NRK: variants seen among roughly 807,000 people sequenced by gnomAD.
The protein encoded by NRK is nik-related protein kinase.
In NRK, 67 loss-of-function variants were observed where a neutral mutation model predicts 125.2. The observed-to-expected ratio is 0.54, with a 90% CI of 0.44 to 0.66. The LOEUF (loss-of-function observed/expected upper bound fraction) is 0.66, where lower values mean the gene tolerates loss of function less well. Among genes scored for constraint, NRK ranks in the 30% least tolerant of loss-of-function variants. NRK has a pLI of 0.00. For synonymous variants in NRK, 458 were observed against 429.0 expected (o/e 1.07, Z -0.84); for missense variants, 1,224 against 1,192.9 (o/e 1.03, Z -0.38).
intron 2 of NRK, among the ~76,000 whole-genome samples, chrX:105,864,740 T>C (rs1040821619): frequency 4.5e-5 from 5 of 111,802 alleles, no homozygotes; most frequent in African/African-American, 1.6e-4. Context: ...TTTGGGAGAA[T>C]ATAACTAGGT....
chrX:105,956,173 T>A lies in NRK; in HGVS notation c.*573T>A, dbSNP rs891372922. On this transcript the variant is annotated 3_prime_UTR_variant, in exon 29 of 29. Coordinates refer to ENST00000243300, the MANE Select transcript of NRK (RefSeq NM_198465.4). The stretch of plus-strand genomic sequence containing the variant: ...CACCACTCGTTTTCTCACTGATTCA[T>A]GCCAATTAAGCCTACAGTTAAAGAC... 6 of 111,787 alleles carry A rather than the reference T, an allele frequency of 5.4e-5. No individual in the cohort carries two copies. The highest frequency in any genetic ancestry group is 2.0e-4 in the African/African-American group (6 of 30,724). The allele number at this position is 111,787 out of a possible 1,213,427, so 9.2% of individuals were successfully genotyped here.
At chrX:105,925,575 T>G (rs2040513643) in intron 19 of NRK, among the ~76,000 whole-genome samples, 1 of 111,099 alleles carries the variant, frequency 9.0e-6, no homozygotes, top group Admixed American at 9.6e-5. Context: ...TGCATTTGGA[T>G]CCTTTAACCA....
intron 26 of NRK, among the ~76,000 whole-genome samples, chrX:105,946,898 G>A (rs1348862975): frequency 1.8e-5 from 2 of 111,422 alleles, no homozygotes; most frequent in Non-Finnish European, 3.8e-5. Flanking sequence ...TATAATAACT[G>A]ACCATAAAGT....
At chrX:105,866,043 C>G (rs927602687) in intron 2 of NRK, among the ~76,000 whole-genome samples, 2 of 107,012 alleles carry the variant, frequency 1.9e-5, no homozygotes, top group African/African-American at 3.4e-5. Flanking sequence ...AAAGTCAGTA[C>G]ACTTTTTTCA....
chrX:105,933,643 C>G (rs1488468246), intron 19 of NRK, among the ~76,000 whole-genome samples: 1 of 111,975 alleles, frequency 8.9e-6, no homozygotes, highest in Admixed American at 9.5e-5. Flanking sequence ...GTTGATTTGC[C>G]TTCATTTTCT....
In NRK at chrX:105,908,914, G is replaced by C; in HGVS notation, c.1273G>C (p.Ala425Pro). Residue 425 changes from alanine to proline, a missense_variant, in exon 13 of 29, where the codon GCA becomes CCA. Coordinates refer to ENST00000243300, the MANE Select transcript of NRK (RefSeq NM_198465.4). ...VFMPLQALDSAPKPLKGQAQA... is the reference protein window; with the variant it reads ...VFMPLQALDSPPKPLKGQAQA... Reference sequence around the variant, plus strand: ...CATGCCACTGCAGGCTCTGGACAGTGCACCTAAGCCTCTAAAGGGGCAGGC... The same window carrying C: ...CATGCCACTGCAGGCTCTGGACAGTCCACCTAAGCCTCTAAAGGGGCAGGC... 3 of 1,211,052 alleles carry C rather than the reference G, an allele frequency of 2.5e-6. No homozygotes were observed. The highest frequency in any genetic ancestry group is 3.4e-6 in the Non-Finnish European group (3 of 894,940).
chrX:105,822,032 G>A (rs1032670519), upstream of NRK, among the ~76,000 whole-genome samples: 3 of 112,433 alleles, frequency 2.7e-5, no homozygotes, highest in African/African-American at 9.7e-5. Context: ...CCCAACCCAT[G>A]GCAAGTCATT....
intron 15 of NRK, among the ~76,000 whole-genome samples, chrX:105,916,229 A>C (rs2147757575): frequency 9.0e-6 from 1 of 110,865 alleles, no homozygotes; most frequent in East Asian, 2.8e-4. Context: ...CTATAGTCAA[A>C]ATCAAATCTA....
At chrX:105,935,082 C>T in intron 20 of NRK, 88 bp from the exon 21 acceptor site, 1 of 710,929 alleles carries the variant, frequency 1.4e-6, no homozygotes, top group South Asian at 2.5e-5. Context: ...CCATCAGGTG[C>T]AGATTTTTCT....
chrX:105,934,400 A>G lies in NRK; in HGVS notation c.3455A>G (p.Lys1152Arg). The change falls in exon 20 of 29, where the codon AAA becomes AGA. Residue 1152 changes from lysine (K) to arginine (R), a missense_variant. Transcript: ENST00000243300. ...DFSANHSSPS[K>R]GSGMSADANF... Reference sequence around the variant, plus strand: ...TCTGCCAATCACTCATCTCCTTCCAAAGGTTCTGGGATGTCTGCTGATGCT... The same window carrying G: ...TCTGCCAATCACTCATCTCCTTCCAGAGGTTCTGGGATGTCTGCTGATGCT... 8.3e-7 allele frequency: 1 copy of G among 1,205,907 alleles called. No individual in the cohort carries two copies. Among genetic ancestry groups the G allele is most frequent in the Non-Finnish European group, 1.1e-6 (1 of 891,378 alleles).
intron 26 of NRK, among the ~76,000 whole-genome samples, chrX:105,949,057 T>C (rs2147798525): frequency 8.9e-6 from 1 of 111,889 alleles, no homozygotes; most frequent in Non-Finnish European, 1.9e-5. Flanking sequence ...CTTAAAGTTA[T>C]ATTTCAAGCT....
intron 19 of NRK, among the ~76,000 whole-genome samples, chrX:105,931,522 G>A (rs1271184099): frequency 9.0e-6 from 1 of 111,456 alleles, no homozygotes; most frequent in Non-Finnish European, 1.9e-5. Flanking sequence ...GCTGATGAGA[G>A]TCTTCTGCTT....
intron 7 of NRK, among the ~76,000 whole-genome samples, 166 bp downstream of exon 7, chrX:105,895,689 G>A (rs1446632582): frequency 9.0e-6 from 1 of 111,483 alleles, no homozygotes; most frequent in East Asian, 2.8e-4. Flanking sequence ...GTTTGGGAGA[G>A]GAGGCGGGGC....
chrX:105,918,592 G>A (rs1186905098), intron 16 of NRK, among the ~76,000 whole-genome samples: 2 of 110,933 alleles, frequency 1.8e-5, no homozygotes, highest in Non-Finnish European at 3.8e-5. Context: ...AATTAGATAA[G>A]CCTGAGTGAA....
rs1259325713 is a variant in NRK at position 105,923,161 on chromosome X, A to G, written c.2654A>G (p.Tyr885Cys). ...FKVGKISPPVYLTNEWVGYNA... is the reference protein window; with the variant it reads ...FKVGKISPPVCLTNEWVGYNA... ...GTAGGAAAAATATCACCCCCTGTAT[A>G]CTTGACAAACGAATGGGTAGGCTAT... Residue 885 changes from tyrosine to cysteine, a missense_variant, in exon 18 of 29, where the codon TAC becomes TGC. By Grantham distance (194) the Tyr-to-Cys change is radical. Transcript: ENST00000243300. The G allele has an allele frequency of 8.3e-7, 1 of 1,201,634 alleles. No homozygotes were observed. The highest frequency in any genetic ancestry group is 1.1e-6 in the Non-Finnish European group (1 of 886,840).
chrX:105,860,955 G>T (rs1164677968), intron 2 of NRK, among the ~76,000 whole-genome samples: 1 of 110,838 alleles, frequency 9.0e-6, no homozygotes, highest in African/African-American at 3.3e-5. Context: ...ACAAGTTTGT[G>T]TGGGGATGGA....
chrX:105,924,887 C>T lies in NRK; in HGVS notation c.3168C>T (p.Gly1056=). The change falls in exon 19 of 29, where the codon GGC becomes GGT. Residue 1056 remains glycine (G), a synonymous_variant. Coordinates refer to ENST00000243300, the MANE Select transcript of NRK (RefSeq NM_198465.4). ...CCAATATAGGCAGTGAAAGAAGAGGCAGTGAGGGTGATGGAGGTAAGGGAG... is the reference window on the plus strand; with the variant it reads ...CCAATATAGGCAGTGAAAGAAGAGGTAGTGAGGGTGATGGAGGTAAGGGAG... ...HAANIGSERR[G]SEGDGGKGVV... is the part of the protein sequence containing the mutation. The T allele has an allele frequency of 8.3e-7, 1 of 1,210,278 alleles. No individual in the cohort carries two copies. The highest frequency in any genetic ancestry group is 1.1e-6 in the Non-Finnish European group (1 of 894,563).
intron 9 of NRK, among the ~76,000 whole-genome samples, chrX:105,905,029 T>C (rs1031017877): frequency 1.7e-4 from 19 of 112,606 alleles, no homozygotes; most frequent in Non-Finnish European, 2.8e-4. Flanking sequence ...TTGTCTAGTT[T>C]ATTATTAATT....
Position 105,898,565 on chromosome X carries a change from A to C in NRK, c.581-19A>C. ...TTTTCTCCTGATTGATTATTTTGAC[A>C]TATAATGATTTTTGGCAGTTGATTT... is the stretch of plus-strand genomic sequence containing the variant. On this transcript the variant is annotated intron_variant, in intron 7 of 28. Coordinates refer to ENST00000243300, the MANE Select transcript of NRK (RefSeq NM_198465.4). The C allele has an allele frequency of 8.4e-7, 1 of 1,186,303 alleles. No homozygotes were observed. Among genetic ancestry groups the C allele is most frequent in the Non-Finnish European group, 1.1e-6 (1 of 879,512 alleles).
Sources: gnomAD v4.1 joint callset for allele counts (sites outside exome capture counted in the v4.1 genomes callset) on GRCh38, gnomAD v4.1.1 for gene constraint, MANE v1.5 for transcripts, NCBI Gene and HGNC (gene_info 2026-07-23, HGNC 2026-07-21) for gene names.